The following ACSBG1 variants were observed in gnomAD, a reference collection of about 807,000 sequenced individuals.
ACSBG1 encodes the protein acyl-CoA synthetase bubblegum family member 1.
A neutral mutation model predicts 80.2 loss-of-function variants in ACSBG1; 39 were observed. The observed-to-expected ratio is 0.49, with a 90% CI of 0.38 to 0.64. The LOEUF is 0.64. ACSBG1 is among the 30% of genes least tolerant of loss of function. The pLI, the probability that ACSBG1 is intolerant of heterozygous loss-of-function variation, is 0.00. For synonymous variants in ACSBG1, 392 were observed against 379.5 expected (o/e 1.03, Z -0.38); for missense variants, 828 against 966.4 (o/e 0.86, Z 1.90).
At chr15:78,217,826 A>G (rs987565269) in intron 1 of ACSBG1, among the ~76,000 whole-genome samples, 1 of 151,996 alleles carries the variant, frequency 6.6e-6, no homozygotes, top group Non-Finnish European at 1.5e-5. Flanking sequence ...CGGCCTCCCA[A>G]AAGTGCTGGG....
Position 78,212,366 on chromosome 15 carries a change from G to A in ACSBG1, c.132-4264C>T, listed in dbSNP as rs1054312755. Among the ~76,000 whole-genome samples, 5 of 152,138 alleles carry A rather than the reference G, an allele frequency of 3.3e-5. 1 individual carries two copies. Among genetic ancestry groups the A allele is most frequent in the Non-Finnish European group, 7.4e-5 (5 of 68,022 alleles). ...CAGCTCTCATCATTATTACGCATGA[G>A]CTCTCATGGATCTTTGGGGGCTCAA... On this transcript the variant is annotated intron_variant, in intron 1 of 13. Transcript: ENST00000258873.
At chr15:78,181,695 G>A (rs976843739) in intron 8 of ACSBG1, among the ~76,000 whole-genome samples, 9 of 151,962 alleles carry the variant, frequency 5.9e-5, no homozygotes, top group Non-Finnish European at 1.0e-4. Flanking sequence ...GGGTTTCACC[G>A]TGTTAGCCAG....
chr15:78,179,920 T>C (rs1055075131), intron 9 of ACSBG1, 140 bp from the exon 10 acceptor site: 8 of 708,468 alleles, frequency 1.1e-5, no homozygotes, highest in Non-Finnish European at 1.9e-5. Context: ...TCTGTTCCAG[T>C]TGGTTGGTTT....
At chr15:78,206,162 G>A (rs552160966) in intron 2 of ACSBG1, among the ~76,000 whole-genome samples, 2 of 152,248 alleles carry the variant, frequency 1.3e-5, no homozygotes, top group African/African-American at 4.8e-5. Context: ...TCCGCTCTGG[G>A]CGCCTGCTGA....
Position 78,208,072 on chromosome 15 carries a change from T to C in ACSBG1, c.162A>G (p.Lys54=). 6.2e-7 allele frequency: 1 copy of C among 1,613,968 alleles called. No homozygotes were observed. The highest frequency in any genetic ancestry group is 8.5e-7 in the Non-Finnish European group (1 of 1,179,962). ...GCTCGAGAGCATGGTTCAGGGACTCTTTGGAGAGTGGCTGCCTGTCAGTCA... is the reference window on the plus strand; with the variant it reads ...GCTCGAGAGCATGGTTCAGGGACTCCTTGGAGAGTGGCTGCCTGTCAGTCA... ...SSLTDRQPLS[K]ESLNHALELS... The change falls in exon 2 of 14, where the codon AAA becomes AAG. Residue 54 remains lysine (K), a synonymous_variant. Transcript: ENST00000258873.
chr15:78,170,381 A>C lies in ACSBG1; in HGVS notation c.*1063T>G, dbSNP rs1245365633. The C allele has an allele frequency of 3.3e-5, 5 of 151,262 alleles. No homozygotes were observed. Among genetic ancestry groups the C allele is most frequent in the Non-Finnish European group, 5.9e-5 (4 of 67,880 alleles). 9.4% of individuals were successfully genotyped at this position (151,262 alleles called of 1,614,324 possible). On this transcript the variant is annotated 3_prime_UTR_variant, in exon 14 of 14. Coordinates refer to ENST00000258873, the MANE Select transcript of ACSBG1 (RefSeq NM_015162.5). ...GGGGATTTTTTTTTTTTTAGCAATG[A>C]TATCCCTGTCTGGGTCACTTTTTAA...
At chr15:78,203,931 G>C (rs934702489) in intron 2 of ACSBG1, among the ~76,000 whole-genome samples, 1 of 152,208 alleles carries the variant, frequency 6.6e-6, no homozygotes, top group Non-Finnish European at 1.5e-5. Context: ...TCCAACACGG[G>C]ACCCTGTGCT....
chr15:78,221,600 T>C (rs2075360110), intron 1 of ACSBG1, among the ~76,000 whole-genome samples: 1 of 152,012 alleles, frequency 6.6e-6, no homozygotes, highest in Non-Finnish European at 1.5e-5. Flanking sequence ...TTACTAAACC[T>C]CCTCAGCACA....
chr15:78,223,727 T>C (rs2075377503), intron 1 of ACSBG1, among the ~76,000 whole-genome samples: 1 of 152,214 alleles, frequency 6.6e-6, no homozygotes, highest in African/African-American at 2.4e-5. Context: ...AAAATTAGCT[T>C]ATATGGCAAA....
intron 2 of ACSBG1, among the ~76,000 whole-genome samples, chr15:78,206,074 C>A (rs2141364876): frequency 6.6e-6 from 1 of 152,340 alleles, no homozygotes; most frequent in South Asian, 2.1e-4. Flanking sequence ...CAGAGCATGG[C>A]CCCCGAGCCA....
chr15:78,220,052 A>C (rs1347878747), intron 1 of ACSBG1, among the ~76,000 whole-genome samples: 2 of 152,254 alleles, frequency 1.3e-5, no homozygotes, highest in African/African-American at 2.4e-5. Context: ...GAAAAAGAAC[A>C]AAGTTGAAGG....
intron 11 of ACSBG1, among the ~76,000 whole-genome samples, chr15:78,175,969 TAAAA>T (rs896971808): frequency 6.6e-6 from 1 of 151,998 alleles, no homozygotes; most frequent in Non-Finnish European, 1.5e-5. Context: ...AGTAAATGAT[TAAAA>T]AAAACCCTTA....
chr15:78,182,120 C>CT lies in ACSBG1; in HGVS notation c.919dup (p.Ser307LysfsTer5). The CT allele has an allele frequency of 6.2e-7, 1 of 1,611,304 alleles. No homozygotes were observed. The highest frequency in any genetic ancestry group is 2.2e-5 in the East Asian group (1 of 44,878). On this transcript the variant is annotated frameshift_variant, in exon 8 of 14. Coordinates refer to ENST00000258873, the MANE Select transcript of ACSBG1 (RefSeq NM_015162.5). LOFTEE classifies it high-confidence loss of function. ...TGCCGGCCGGATGTCACCGGCCTGG[C>CT]TGCCGTACCGTGCCGTCCACGTGAT...
At chr15:78,209,034 C>A in intron 1 of ACSBG1, 1 of 412,706 alleles carries the variant, frequency 2.4e-6, no homozygotes, top group Non-Finnish European at 4.8e-6. Context: ...ACCTGTGCAG[C>A]TGGTCATGGT....
chr15:78,203,732 T>A (rs769210062), intron 2 of ACSBG1, among the ~76,000 whole-genome samples: 3 of 152,210 alleles, frequency 2.0e-5, no homozygotes, highest in Non-Finnish European at 2.9e-5. Flanking sequence ...TGGGGCTGTT[T>A]TCCGTGGTCT....
intron 1 of ACSBG1, among the ~76,000 whole-genome samples, chr15:78,212,272 G>A (rs540531402): frequency 2.0e-5 from 3 of 152,196 alleles, no homozygotes; most frequent in East Asian, 1.9e-4. Context: ...TCTGGCCCTC[G>A]GTTTTCTGCC....
At position 78,173,804 on chromosome 15, in the gene ACSBG1, A is replaced by G. The variant is rs1177804298; in HGVS notation, c.1878T>C (p.Asp626=). ...ACTCCATAGCTTGTTCAGTCAGATT[A>G]TCAGTCTGGTCAGAGGTGTCTGGGT... The part of the protein sequence containing the change: ...TLDPDTSDQT[D]NLTEQAMEFC... Residue 626 remains aspartate (D), a synonymous_variant, in exon 13 of 14, where the codon GAT becomes GAC. Transcript: ENST00000258873. The G allele has an allele frequency of 1.9e-6, 3 of 1,613,988 alleles. No homozygotes were observed. Among genetic ancestry groups the G allele is most frequent in the Non-Finnish European group, 2.5e-6 (3 of 1,180,024 alleles).
At chr15:78,230,848 G>T (rs1472387961) in intron 1 of ACSBG1, among the ~76,000 whole-genome samples, 3 of 152,328 alleles carry the variant, frequency 2.0e-5, no homozygotes, top group Non-Finnish European at 2.9e-5. Context: ...CCCCGTCTCA[G>T]GTATGTCTTT....
chr15:78,186,667 C>G (rs1166719881), intron 5 of ACSBG1, among the ~76,000 whole-genome samples: 3 of 151,990 alleles, frequency 2.0e-5, no homozygotes, highest in Non-Finnish European at 4.4e-5. Flanking sequence ...GGGACACATT[C>G]AAAGCAGTGT....
Sources: allele counts gnomAD v4.1 joint callset (sites outside exome capture counted in the v4.1 genomes callset), GRCh38; gene constraint gnomAD v4.1.1; transcripts MANE v1.5; gene names NCBI Gene and HGNC (gene_info 2026-07-23, HGNC 2026-07-21).